Variants in MAD1L1 observed in about 807,000 individuals in gnomAD.
The protein encoded by MAD1L1 is mitotic arrest deficient 1 like 1.
Under a neutral mutation model 96.9 loss-of-function variants are expected in MAD1L1, and 95 were observed. That is an observed-to-expected ratio of 0.98 (90% CI 0.83 to 1.16). MAD1L1 has a LOEUF of 1.16. Among genes scored for constraint, MAD1L1 ranks in the 50% most tolerant of loss-of-function variants. The pLI is 0.00. For synonymous variants in MAD1L1, 473 were observed against 396.6 expected (o/e 1.19, Z -2.29); for missense variants, 1,007 against 954.4 (o/e 1.06, Z -0.73).
chr7:2,049,247 C>T (rs894579687), intron 12 of MAD1L1, among the ~76,000 whole-genome samples: 1 of 152,318 alleles, frequency 6.6e-6, no homozygotes, highest in Non-Finnish European at 1.5e-5. Context: ...CAGGTTCTAA[C>T]AGGTTTTCTG....
At chr7:1,952,741 T>C (rs751127940) in intron 16 of MAD1L1, among the ~76,000 whole-genome samples, 4 of 152,176 alleles carry the variant, frequency 2.6e-5, no homozygotes, top group Non-Finnish European at 4.4e-5. Flanking sequence ...AGAGGAGCAC[T>C]TCCCGAGGCC....
At chr7:2,004,511 C>T (rs533411568) in intron 13 of MAD1L1, among the ~76,000 whole-genome samples, 12 of 152,308 alleles carry the variant, frequency 7.9e-5, no homozygotes, top group African/African-American at 2.6e-4. Context: ...CAGGGTCGTC[C>T]GGAAGCAGCA....
At chr7:1,960,386 C>G (rs956513667) in intron 15 of MAD1L1, among the ~76,000 whole-genome samples, 4 of 152,070 alleles carry the variant, frequency 2.6e-5, no homozygotes, top group Non-Finnish European at 4.4e-5. Flanking sequence ...GGCAGACACT[C>G]AAACTGGATT....
At chr7:2,064,548 T>A (rs901806257) in intron 12 of MAD1L1, among the ~76,000 whole-genome samples, 16 of 152,186 alleles carry the variant, frequency 1.1e-4, no homozygotes, top group African/African-American at 3.4e-4. Flanking sequence ...GACAGAGGCT[T>A]CTCCCCGGAG....
intron 12 of MAD1L1, among the ~76,000 whole-genome samples, chr7:2,019,410 C>T (rs77620011): frequency 0.01 from 1,529 of 152,340 alleles, 26 homozygotes; most frequent in African/African-American, 0.035. Flanking sequence ...AGGACCCACG[C>T]GGGTCAGACA....
intron 2 of MAD1L1, 103 bp downstream of exon 2, chr7:2,230,446 C>T: frequency 6.4e-6 from 2 of 314,122 alleles, no homozygotes; most frequent in Admixed American, 4.0e-5. Context: ...ACTCAGGTGG[C>T]ACGTCCCCCA....
intron 16 of MAD1L1, among the ~76,000 whole-genome samples, chr7:1,950,659 C>T (rs1334226302): frequency 6.6e-6 from 1 of 152,248 alleles, no homozygotes; most frequent in Non-Finnish European, 1.5e-5. Context: ...GCTCTCACCT[C>T]CTCCCCTGCA....
chr7:2,172,274 A>G (rs781567273), intron 10 of MAD1L1, among the ~76,000 whole-genome samples: 4 of 152,058 alleles, frequency 2.6e-5, no homozygotes, highest in Admixed American at 2.6e-4. Context: ...CCCATTCAAC[A>G]GACAAGCACA....
intron 12 of MAD1L1, among the ~76,000 whole-genome samples, chr7:2,048,209 G>A (rs368424878): frequency 1.7e-4 from 26 of 152,344 alleles, no homozygotes; most frequent in African/African-American, 5.1e-4. Flanking sequence ...ACGCACACGC[G>A]TGCTCTCAGA....
chr7:1,887,254 T>TGTGTGGGC (rs1336355742), intron 18 of MAD1L1, among the ~76,000 whole-genome samples: 1 of 152,178 alleles, frequency 6.6e-6, no homozygotes, highest in Non-Finnish European at 1.5e-5. Flanking sequence ...TGGCTGTGCA[T>TGTGTGGGC]GTGTGGGCAT....
At chr7:2,041,334 G>A (rs906582033) in intron 12 of MAD1L1, among the ~76,000 whole-genome samples, 1 of 152,154 alleles carries the variant, frequency 6.6e-6, no homozygotes, top group African/African-American at 2.4e-5. Flanking sequence ...CCTTTGGAAC[G>A]TAATCATCAG....
intron 11 of MAD1L1, among the ~76,000 whole-genome samples, chr7:2,080,930 C>T (rs994725643): frequency 6.6e-6 from 1 of 152,234 alleles, no homozygotes; most frequent in Non-Finnish European, 1.5e-5. Context: ...ACGTGGCCTG[C>T]ACTTTGTGAC....
At chr7:2,189,576 T>C (rs954145556) in intron 10 of MAD1L1, among the ~76,000 whole-genome samples, 1 of 151,560 alleles carries the variant, frequency 6.6e-6, no homozygotes, top group Non-Finnish European at 1.5e-5. Flanking sequence ...TCTCCTTCTA[T>C]GAGGTCCCTA....
At chr7:2,044,129 C>T (rs142593447) in intron 12 of MAD1L1, among the ~76,000 whole-genome samples, 197 of 152,324 alleles carry the variant, frequency 1.3e-3, no homozygotes, top group Admixed American at 2.9e-3. Context: ...GAGCAGCCAA[C>T]GGTCTGGAAT....
intron 18 of MAD1L1, among the ~76,000 whole-genome samples, chr7:1,878,336 C>G (rs557920710): frequency 1.3e-5 from 2 of 151,996 alleles, no homozygotes; most frequent in African/African-American, 2.4e-5. Flanking sequence ...CATCCTGATA[C>G]CAAGGCAAAC....
intron 12 of MAD1L1, among the ~76,000 whole-genome samples, chr7:2,034,243 G>A (rs1783362898): frequency 1.3e-5 from 2 of 150,218 alleles, no homozygotes; most frequent in Non-Finnish European, 3.0e-5. Flanking sequence ...TTTGGAGACG[G>A]AGTCTCGCTG....
intron 17 of MAD1L1, among the ~76,000 whole-genome samples, chr7:1,929,772 G>A (rs148612224): frequency 2.1e-3 from 175 of 82,712 alleles, no homozygotes; most frequent in African/African-American, 0.015. Flanking sequence ...ACGTCCCCTC[G>A]CCCCGTCCCC....
At chr7:2,198,902 C>T (rs988473996) in intron 10 of MAD1L1, among the ~76,000 whole-genome samples, 1 of 152,240 alleles carries the variant, frequency 6.6e-6, no homozygotes, top group Non-Finnish European at 1.5e-5. Flanking sequence ...AAAGCTCCAG[C>T]CACTCGGAGG....
At chr7:1,935,255 G>A (rs968662935) in intron 17 of MAD1L1, among the ~76,000 whole-genome samples, 3 of 152,260 alleles carry the variant, frequency 2.0e-5, no homozygotes, top group African/African-American at 7.2e-5. Flanking sequence ...AGCCACGGCT[G>A]GACCAGAAAG....
Sources: allele counts gnomAD v4.1 joint callset (sites outside exome capture counted in the v4.1 genomes callset), GRCh38; gene constraint gnomAD v4.1.1; transcripts MANE v1.5; gene names NCBI Gene and HGNC (gene_info 2026-07-23, HGNC 2026-07-21).